MUS81: variants seen among roughly 807,000 people sequenced by gnomAD.
MUS81 encodes the protein structure-specific endonuclease subunit MUS81.
MUS81 carries 69 observed loss-of-function variants against 74.2 expected under a neutral mutation model. That is an observed-to-expected ratio of 0.93 (90% CI 0.77 to 1.14). The LOEUF is 1.14. Among genes scored for constraint, MUS81 ranks in the 50% most tolerant of loss-of-function variants. MUS81 has a pLI of 0.00. For synonymous variants in MUS81, 303 were observed against 300.6 expected (o/e 1.01, Z -0.08); for missense variants, 711 against 726.5 (o/e 0.98, Z 0.25).
downstream of MUS81, chr11:65,866,964 C>T: frequency 6.2e-7 from 1 of 1,614,204 alleles, no homozygotes; most frequent in Non-Finnish European, 8.5e-7. Context: ...CAGTACAGAG[C>T]TGGCCCGGTA....
At chr11:65,861,586 A>G in intron 3 of MUS81, 151 bp downstream of exon 3, 1 of 644,578 alleles carries the variant, frequency 1.6e-6, no homozygotes, top group East Asian at 2.7e-5. Flanking sequence ...TTAGTATTTT[A>G]ACCTGTGAAT....
intron 14 of MUS81, 68 bp downstream of exon 14, chr11:65,865,391 A>T (rs150649250): frequency 6.8e-7 from 1 of 1,463,272 alleles, no homozygotes. Context: ...ACCTTAATCC[A>T]TGCTTCGTGG....
At chr11:65,864,464 G>T in intron 10 of MUS81, 33 bp from the exon 11 acceptor site, 2 of 1,586,034 alleles carry the variant, frequency 1.3e-6, no homozygotes, top group South Asian at 2.2e-5. Flanking sequence ...CATCCAGCCT[G>T]ACCCTCCCTG....
In MUS81 at chr11:65,861,441, G is replaced by A; in HGVS notation, c.351+6G>A. 1 of 1,593,326 alleles carries A rather than the reference G, an allele frequency of 6.3e-7. No homozygotes were observed. Among genetic ancestry groups the A allele is most frequent in the Non-Finnish European group, 8.6e-7 (1 of 1,168,808 alleles). Reference sequence around the variant, plus strand: ...TCCAGGACTCTTCCATGCCAGTGAGGAAGGGGCAAGGGGAGTGGAAGGCAA... The same window carrying A: ...TCCAGGACTCTTCCATGCCAGTGAGAAAGGGGCAAGGGGAGTGGAAGGCAA... On this transcript the variant is annotated splice_donor_region_variant and intron_variant, in intron 3 of 15. Coordinates refer to ENST00000308110, the MANE Select transcript of MUS81 (RefSeq NM_025128.5).
At position 65,866,132 on chromosome 11, in the gene MUS81, G is replaced by C. The variant is rs1591063643; in HGVS notation, c.*80G>C. ...CAGCCTTTTAACAACATCTTTTGGG[G>C]TACAATTAGAATCTAAGTGTTTGCA... is the stretch of plus-strand genomic sequence containing the variant. On this transcript the variant is annotated 3_prime_UTR_variant, in exon 16 of 16. Transcript: ENST00000308110. 3 of 1,372,858 alleles carry C rather than the reference G, an allele frequency of 2.2e-6. No individual in the cohort carries two copies. Among genetic ancestry groups the C allele is most frequent in the African/African-American group, 2.9e-5 (2 of 69,400 alleles). 85.0% of individuals were successfully genotyped at this position (1,372,858 alleles called of 1,614,324 possible). A position where few individuals can be genotyped will look rare whatever the true frequency, so the allele number is the denominator to read the frequency against.
At chr11:65,861,498 T>C in intron 3 of MUS81, 63 bp downstream of exon 3, 1 of 1,439,634 alleles carries the variant, frequency 6.9e-7, no homozygotes, top group Non-Finnish European at 9.4e-7. Context: ...TTTTCTGGCT[T>C]GGGGGATTTG....
At position 65,866,093 on chromosome 11, in the gene MUS81, C is replaced by A; in HGVS notation, c.*41C>A. ...CAGCCCCCAGCCCCCGTCTGTCCCC[C>A]AACCCAGGCTAGCCAGCCTTTTAAC... On this transcript the variant is annotated 3_prime_UTR_variant, in exon 16 of 16. Coordinates refer to ENST00000308110, the MANE Select transcript of MUS81 (RefSeq NM_025128.5). 6.3e-7 allele frequency: 1 copy of A among 1,582,554 alleles called. No individual in the cohort carries two copies. Among genetic ancestry groups the A allele is most frequent in the Non-Finnish European group, 8.6e-7 (1 of 1,160,752 alleles).
upstream of MUS81, chr11:65,860,400 C>T (rs1325417332): frequency 2.0e-6 from 1 of 497,702 alleles, no homozygotes; most frequent in East Asian, 4.9e-5. Context: ...CTTCCTCTCG[C>T]CTACACAAAG....
At chr11:65,866,604 C>T (rs1043482), downstream of MUS81, 1 of 703,006 alleles carries the variant, frequency 1.4e-6, no homozygotes. Flanking sequence ...AAGTCCAAAT[C>T]TCTGGGCCGG....
intron 10 of MUS81, chr11:65,864,220 G>A (rs1859726720): frequency 6.8e-6 from 4 of 585,104 alleles, no homozygotes; most frequent in Non-Finnish European, 1.2e-5. Flanking sequence ...GGTACTTGCT[G>A]CTGGGTGGAC....
At chr11:65,864,886 A>G in intron 12 of MUS81, 71 bp downstream of exon 12, 1 of 1,580,184 alleles carries the variant, frequency 6.3e-7, no homozygotes, top group East Asian at 2.2e-5. Context: ...GGCCCTGTGC[A>G]TCCCCAAAAG....
intron 3 of MUS81, chr11:65,861,745 C>G: frequency 1.6e-6 from 1 of 615,442 alleles, no homozygotes. Flanking sequence ...CCAGGCTGGG[C>G]AGACACCCCC....
At position 65,861,073 on chromosome 11, in the gene MUS81, A is replaced by C. The variant is rs1859582131; in HGVS notation, c.236A>C (p.Glu79Ala). 6.2e-7 allele frequency: 1 copy of C among 1,612,542 alleles called. No homozygotes were observed. Among genetic ancestry groups the C allele is most frequent in the Non-Finnish European group, 8.5e-7 (1 of 1,179,964 alleles). ...GACGGGCTCTGCCGGATGCTGGACG[A>C]GCGGCTGCAGCGGCACCGAACATCG... ...FGDGLCRMLD[E>A]RLQRHRTSGG... is the part of the protein sequence containing the mutation. Residue 79 changes from glutamate (E) to alanine (A), a missense_variant, in exon 2 of 16, where the codon GAG (glutamate) becomes GCG (alanine). Coordinates refer to ENST00000308110, the MANE Select transcript of MUS81 (RefSeq NM_025128.5).
chr11:65,866,459 G>A (rs928155317), downstream of MUS81: 3 of 700,944 alleles, frequency 4.3e-6, no homozygotes, highest in South Asian at 1.5e-5. Context: ...CAGTTGCCTC[G>A]TTTTATAGAA....
chr11:65,860,172 C>T (rs1306086252), upstream of MUS81: 2 of 440,706 alleles, frequency 4.5e-6, no homozygotes, highest in Non-Finnish European at 9.3e-6. Context: ...ATCCCCGGCA[C>T]CCATTTCTGG....
Position 65,863,144 on chromosome 11 carries a change from A to C in MUS81, c.685A>C (p.Ile229Leu). 2 of 1,614,138 alleles carry C rather than the reference A, an allele frequency of 1.2e-6. No homozygotes were observed. Among genetic ancestry groups the C allele is most frequent in the Non-Finnish European group, 1.7e-6 (2 of 1,180,008 alleles). The change falls in exon 7 of 16, where the codon ATC becomes CTC. Residue 229 changes from isoleucine to leucine, a missense_variant. Transcript: ENST00000308110. ...SEGLSLLNVG[I>L]GPKEPPGEET... The stretch of plus-strand genomic sequence containing the variant: ...AGGCCTGAGCTTGCTGAATGTGGGC[A>C]TCGGGCCCAAGGAGCCCCCTGGGGA...
upstream of MUS81, among the ~76,000 whole-genome samples, chr11:65,859,908 G>T (rs961762994): frequency 6.6e-6 from 1 of 152,170 alleles, no homozygotes; most frequent in Non-Finnish European, 1.5e-5. Context: ...CCCGCAGCCT[G>T]CTCCTCCGCT....
chr11:65,860,730 G>A lies in MUS81; in HGVS notation c.-24G>A, dbSNP rs960421076. 5 of 1,532,620 alleles carry A rather than the reference G, an allele frequency of 3.3e-6. No individual in the cohort carries two copies. In the Admixed American group the frequency reaches 7.9e-5, roughly 24 times the overall value. The allele number at this position is 1,532,620 out of a possible 1,614,324, so 94.9% of individuals were successfully genotyped here. The stretch of plus-strand genomic sequence containing the variant: ...CGTCCCAGTCCCGCGGGCGTGGAGC[G>A]CCGGAGGACCCGCCCTCGGGCTCAT... On this transcript the variant is annotated 5_prime_UTR_variant, in exon 1 of 16. Transcript: ENST00000308110.
chr11:65,863,821 G>C lies in MUS81; in HGVS notation c.979G>C (p.Val327Leu). Residue 327 changes from valine (V) to leucine (L), a missense_variant, in exon 10 of 16, where the codon GTA (valine) becomes CTA (leucine). Coordinates refer to ENST00000308110, the MANE Select transcript of MUS81 (RefSeq NM_025128.5). ...PRDPANPGEL[V>L]LDHIVERKRL... ...GTCAGCAGCAAACCCTGGGGAGTTG[G>C]TACTGGATCACATTGTGGAGCGCAA... The C allele has an allele frequency of 6.2e-7, 1 of 1,614,152 alleles. No individual in the cohort carries two copies. The highest frequency in any genetic ancestry group is 2.2e-5 in the East Asian group (1 of 44,882).
Sources: allele counts gnomAD v4.1 joint callset (sites outside exome capture counted in the v4.1 genomes callset), GRCh38; gene constraint gnomAD v4.1.1; transcripts MANE v1.5; gene names NCBI Gene and HGNC (gene_info 2026-07-23, HGNC 2026-07-21).